The following RANBP2 variants were observed in gnomAD, a reference collection of about 807,000 sequenced individuals.
RANBP2 encodes the protein E3 SUMO-protein ligase RanBP2.
RANBP2 carries 57 observed loss-of-function variants against 303.6 expected under a neutral mutation model. That is an observed-to-expected ratio of 0.19 (90% CI 0.15 to 0.23). RANBP2 has a LOEUF of 0.23. Among genes scored for constraint, RANBP2 ranks in the 10% least tolerant of loss-of-function variants. The pLI, the probability that RANBP2 is intolerant of heterozygous loss-of-function variation, is 1.00. For synonymous variants in RANBP2, 1,167 were observed against 1,301.5 expected (o/e 0.90, Z 2.23); for missense variants, 3,138 against 3,780.8 (o/e 0.83, Z 4.46).
At chr2:109,033,886 G>A in the RANBP2 span, among the ~76,000 whole-genome samples, 3 of 149,440 alleles carry the variant, frequency 2.0e-5, no homozygotes, top group South Asian at 4.3e-4. Context: ...AACCCAGGAG[G>A]CAGAGGCTGC....
chr2:109,585,547 G>T, the RANBP2 span, among the ~76,000 whole-genome samples: 763 of 152,238 alleles, frequency 5.0e-3, 6 homozygotes, highest in African/African-American at 0.018. Flanking sequence ...TATATAACAA[G>T]CCAAAAGCTT....
At chr2:109,525,002 C>G in the RANBP2 span, among the ~76,000 whole-genome samples, 1 of 151,804 alleles carries the variant, frequency 6.6e-6, no homozygotes, top group African/African-American at 2.4e-5. Flanking sequence ...CTCAGTGCTT[C>G]TGCAGCTGCC....
the RANBP2 span, among the ~76,000 whole-genome samples, chr2:109,311,364 T>A: frequency 8.1e-6 from 1 of 123,404 alleles, no homozygotes; most frequent in Non-Finnish European, 1.6e-5. Flanking sequence ...GAGCTATCTA[T>A]GACAAACCCA....
chr2:109,504,532 T>G, the RANBP2 span: 1 of 152,274 alleles, frequency 6.6e-6, no homozygotes, highest in Non-Finnish European at 1.5e-5. Flanking sequence ...CAAGTGTTTT[T>G]GTTAGACACA....
chr2:108,846,634 G>A, the RANBP2 span: 18 of 910,474 alleles, frequency 2.0e-5, no homozygotes, highest in African/African-American at 8.6e-5. Context: ...CCATGATTGC[G>A]CTACTGCATT....
chr2:108,932,612 G>A, the RANBP2 span, among the ~76,000 whole-genome samples: 70 of 151,766 alleles, frequency 4.6e-4, no homozygotes, highest in Non-Finnish European at 9.6e-4. Context: ...CAGCAGCCAG[G>A]GAACGGTGGA....
chr2:109,606,422 AAAAAT>A, the RANBP2 span, among the ~76,000 whole-genome samples: 5 of 152,160 alleles, frequency 3.3e-5, no homozygotes, highest in Non-Finnish European at 7.3e-5. Context: ...TCAAAAAACA[AAAAAT>A]AAAAAATAAA....
At chr2:109,137,291 C>T in the RANBP2 span, among the ~76,000 whole-genome samples, 2 of 152,174 alleles carry the variant, frequency 1.3e-5, no homozygotes, top group African/African-American at 4.8e-5. Flanking sequence ...TGCACTTCTT[C>T]TTTCTGAATC....
the RANBP2 span, among the ~76,000 whole-genome samples, chr2:109,371,002 AAAT>A: frequency 6.6e-6 from 1 of 152,364 alleles, no homozygotes; most frequent in East Asian, 1.9e-4. Flanking sequence ...TTCATTAAAT[AAAT>A]AATAGGAGTT....
At chr2:108,856,262 A>G in the RANBP2 span, among the ~76,000 whole-genome samples, 6 of 150,798 alleles carry the variant, frequency 4.0e-5, no homozygotes, top group Non-Finnish European at 8.8e-5. Flanking sequence ...CAGATGTATC[A>G]TGAAAACTGA....
At chr2:108,788,940 C>G (rs772073807), downstream of RANBP2, 3 of 1,614,004 alleles carry the variant, frequency 1.9e-6, no homozygotes, top group Non-Finnish European at 2.5e-6. Context: ...CATTGGGCAG[C>G]TTATTCAAGC....
the RANBP2 span, among the ~76,000 whole-genome samples, chr2:109,097,345 CAAAA>C: frequency 6.7e-6 from 1 of 148,886 alleles, no homozygotes; most frequent in African/African-American, 2.4e-5. Flanking sequence ...CAAAACAAAA[CAAAA>C]CAAAACAAAA....
At chr2:108,820,716 C>CAAAAAAA in the RANBP2 span, among the ~76,000 whole-genome samples, 2 of 86,348 alleles carry the variant, frequency 2.3e-5, no homozygotes, top group African/African-American at 9.7e-5. Context: ...AAAAAAAAAA[C>CAAAAAAA]AAACAACAAA....
the RANBP2 span, among the ~76,000 whole-genome samples, chr2:109,726,058 G>GGGGTGTGTGT: frequency 2.3e-4 from 31 of 137,098 alleles, no homozygotes; most frequent in East Asian, 9.0e-4. Context: ...TTTTGCTTTT[G>GGGGTGTGTGT]GTGTGTGTGT....
chr2:109,143,397 A>C, the RANBP2 span, among the ~76,000 whole-genome samples: 1 of 152,160 alleles, frequency 6.6e-6, no homozygotes. Flanking sequence ...CATTATTCAC[A>C]GGGCCAATAT....
At chr2:109,674,439 C>T in the RANBP2 span, among the ~76,000 whole-genome samples, 2 of 107,220 alleles carry the variant, frequency 1.9e-5, no homozygotes, top group African/African-American at 6.8e-5. Flanking sequence ...AAAAAATTAA[C>T]CGAGCATGAT....
the RANBP2 span, among the ~76,000 whole-genome samples, chr2:109,214,860 G>A: frequency 1.6e-4 from 24 of 152,312 alleles, no homozygotes; most frequent in African/African-American, 5.3e-4. Context: ...GGGGTGACGC[G>A]GACAGCAGTG....
At chr2:108,919,231 G>A in the RANBP2 span, among the ~76,000 whole-genome samples, 1 of 152,176 alleles carries the variant, frequency 6.6e-6, no homozygotes, top group African/African-American at 2.4e-5. Flanking sequence ...ACGGGAGTAC[G>A]CAGAGTAGCA....
At chr2:109,347,976 G>C in the RANBP2 span, 1 of 1,569,150 alleles carries the variant, frequency 6.4e-7, no homozygotes, top group African/African-American at 1.4e-5. Context: ...GGTGGGCCCC[G>C]CCAGCCCATG....
Sources: allele counts gnomAD v4.1 joint callset (sites outside exome capture counted in the v4.1 genomes callset), GRCh38; gene constraint gnomAD v4.1.1; transcripts MANE v1.5; gene names NCBI Gene and HGNC (gene_info 2026-07-23, HGNC 2026-07-21).